The following CASK variants were observed in gnomAD, a reference collection of about 807,000 sequenced individuals.
CASK encodes peripheral plasma membrane protein CASK.
A neutral mutation model predicts 82.9 loss-of-function variants in CASK; 4 were observed. The ratio of observed to expected loss-of-function variants is 0.05; its 90% CI spans 0.02 to 0.11. The LOEUF (loss-of-function observed/expected upper bound fraction) is 0.11, where lower values mean the gene tolerates loss of function less well. Among genes scored for constraint, CASK ranks in the 10% least tolerant of loss-of-function variants. The pLI, the probability that CASK is intolerant of heterozygous loss-of-function variation, is 1.00. For missense variants in CASK, 358 were observed against 720.9 expected (o/e 0.50, Z 5.76); for synonymous variants, 259 against 253.5 (o/e 1.02, Z -0.20).
intron 3 of CASK, among the ~76,000 whole-genome samples, chrX:41,759,620 G>GC (rs1247758275): frequency 2.2e-4 from 24 of 111,282 alleles, no homozygotes; most frequent in African/African-American, 6.9e-4. Flanking sequence ...AATGAGAAAT[G>GC]CCCCCCCTAC....
At chrX:41,850,451 CAA>C (rs2071241376) in intron 2 of CASK, among the ~76,000 whole-genome samples, 1 of 110,057 alleles carries the variant, frequency 9.1e-6, no homozygotes, top group African/African-American at 3.3e-5. Context: ...AGGTAATTAA[CAA>C]AGAGCAAACA....
chrX:41,756,728 A>G (rs1195247909), intron 3 of CASK, among the ~76,000 whole-genome samples: 1 of 112,513 alleles, frequency 8.9e-6, no homozygotes, highest in Non-Finnish European at 1.9e-5. Flanking sequence ...CATAGGTATT[A>G]TGACTACCTC....
chrX:41,531,184 G>A lies in CASK; in HGVS notation c.2343C>T (p.Asp781=), dbSNP rs55642200. The change falls in exon 25 of 27, where the codon GAC becomes GAT. Residue 781 remains aspartate, a synonymous_variant. Transcript: ENST00000378163. ...AGTAATAATTCTTTCCATTTTCTTC[G>A]TCTTTCTTTGGAGGTCTGGTTGTAT... is the stretch of plus-strand genomic sequence containing the variant. The part of the protein sequence containing the change: ...IPHTTRPPKK[D]EENGKNYYFV... 2.0e-5 allele frequency: 24 copies of A among 1,208,383 alleles called. No individual in the cohort carries two copies. The East Asian group carries it at 4.1e-4, about 21-fold the overall frequency.
intron 5 of CASK, among the ~76,000 whole-genome samples, chrX:41,736,476 G>A (rs1469512586): frequency 9.0e-6 from 1 of 111,672 alleles, no homozygotes; most frequent in African/African-American, 3.3e-5. Context: ...CTCCAGCCTG[G>A]GTGACAGGGC....
At chrX:41,555,551 C>A in intron 20 of CASK, 49 bp downstream of exon 20, 4 of 969,094 alleles carry the variant, frequency 4.1e-6, no homozygotes, top group Non-Finnish European at 5.9e-6. Context: ...AAAGGATTGG[C>A]TATTAGCTGC....
chrX:41,834,216 G>A (rs1470988417), intron 2 of CASK, among the ~76,000 whole-genome samples: 3 of 111,551 alleles, frequency 2.7e-5, no homozygotes, highest in African/African-American at 6.5e-5. Context: ...TTGGCGCCCT[G>A]GAGATTTTGA....
intron 1 of CASK, among the ~76,000 whole-genome samples, chrX:41,889,397 T>G (rs1264178783): frequency 4.5e-5 from 5 of 110,745 alleles, no homozygotes; most frequent in Non-Finnish European, 9.4e-5. Flanking sequence ...TCCCTGATCA[T>G]TAGTGATGTT....
At position 41,827,175 on chromosome X, in the gene CASK, C is replaced by T. The variant is rs184919662; in HGVS notation, c.172+25940G>A. 3.6e-5 allele frequency among the ~76,000 whole-genome samples: 4 copies of T among 111,756 alleles called. No individual in the cohort carries two copies. In the East Asian group the frequency reaches 1.1e-3, roughly 31 times the overall value. ...AAGTAAACATGAAAATGCCCTCAAA[C>T]TAAATCTAAGTCACAGAAACATACA... On this transcript the variant is annotated intron_variant, in intron 2 of 26. Coordinates refer to ENST00000378163, the MANE Select transcript of CASK (RefSeq NM_001367721.1).
chrX:41,685,919 T>A (rs1361687097), intron 5 of CASK, among the ~76,000 whole-genome samples: 2 of 111,232 alleles, frequency 1.8e-5, no homozygotes, highest in African/African-American at 6.6e-5. Context: ...GGAGAGGGGT[T>A]CCTGGCAGTC....
intron 25 of CASK, among the ~76,000 whole-genome samples, chrX:41,526,652 A>G (rs1282908572): frequency 8.9e-6 from 1 of 111,987 alleles, no homozygotes; most frequent in African/African-American, 3.2e-5. Flanking sequence ...TCTTATGTCT[A>G]CGAATCAGGT....
chrX:41,756,674 T>C (rs1227093267), intron 3 of CASK, among the ~76,000 whole-genome samples: 1 of 112,474 alleles, frequency 8.9e-6, no homozygotes, highest in Non-Finnish European at 1.9e-5. Context: ...TCTAAGTCCC[T>C]TATATGCATT....
intron 3 of CASK, among the ~76,000 whole-genome samples, chrX:41,770,446 G>C (rs1013794459): frequency 9.1e-6 from 1 of 110,384 alleles, no homozygotes; most frequent in Non-Finnish European, 1.9e-5. Flanking sequence ...TTTTGCTCTT[G>C]TTGCCCAGGC....
intron 9 of CASK, among the ~76,000 whole-genome samples, chrX:41,631,557 C>T (rs1006103766): frequency 1.2e-4 from 13 of 111,854 alleles, no homozygotes; most frequent in Admixed American, 3.8e-4. Flanking sequence ...CAACCTCCGC[C>T]TCCCAGGTTC....
At chrX:41,865,277 G>A (rs1251672617) in intron 1 of CASK, among the ~76,000 whole-genome samples, 1 of 111,818 alleles carries the variant, frequency 8.9e-6, no homozygotes, top group Non-Finnish European at 1.9e-5. Context: ...TGAGTGAACT[G>A]AGCTTTCTAA....
chrX:41,809,404 GATC>G (rs2070221349), intron 2 of CASK, among the ~76,000 whole-genome samples: 1 of 112,123 alleles, frequency 8.9e-6, no homozygotes, highest in Non-Finnish European at 1.9e-5. Context: ...CCAGAGGAAC[GATC>G]AGGCAGCAAC....
Position 41,773,815 on chromosome X carries a change from G to A in CASK, c.278+13363C>T, listed in dbSNP as rs150528875. On this transcript the variant is annotated intron_variant, in intron 3 of 26. Transcript: ENST00000378163. ...AGATAAAAAATGGTACACTGGTATA[G>A]GGCACTTACCATGAATGGAACTTGC... 2.6e-3 allele frequency among the ~76,000 whole-genome samples: 292 copies of A among 111,323 alleles called. 3 individuals are homozygous for A. The highest frequency in any genetic ancestry group is 8.4e-3 in the African/African-American group (257 of 30,679).
rs200962618 is a variant in CASK, at chrX:41,671,549, G to GAACA, written c.430-23_430-20dup. 9.4e-7 allele frequency: 1 copy of GAACA among 1,061,275 alleles called. No homozygotes were observed. Among genetic ancestry groups the GAACA allele is most frequent in the African/African-American group, 1.8e-5 (1 of 54,132 alleles). 87.5% of individuals were successfully genotyped at this position (1,061,275 alleles called of 1,213,427 possible). A position where few individuals can be genotyped will look rare whatever the true frequency, so the allele number is the denominator to read the frequency against. The stretch of plus-strand genomic sequence containing the variant: ...AGTGGGGCTGAAAAGAAAAACAGAC[G>GAACA]AACAAACAAACAAAAAACAAACCCG... On this transcript the variant is annotated intron_variant, in intron 5 of 26. Coordinates refer to ENST00000378163, the MANE Select transcript of CASK (RefSeq NM_001367721.1).
At chrX:41,589,375 A>G (rs1195110604) in intron 13 of CASK, 140 bp downstream of exon 13, 4 of 482,516 alleles carry the variant, frequency 8.3e-6, no homozygotes, top group Non-Finnish European at 1.5e-5. Context: ...TTCAGTAATA[A>G]ACTTAGAAAT....
chrX:41,834,572 C>T (rs2070893784), intron 2 of CASK, among the ~76,000 whole-genome samples: 1 of 110,998 alleles, frequency 9.0e-6, no homozygotes. Context: ...CCACCAAGTT[C>T]TTTCTAGTCT....
Sources: gnomAD v4.1 joint callset for allele counts (sites outside exome capture counted in the v4.1 genomes callset) on GRCh38, gnomAD v4.1.1 for gene constraint, MANE v1.5 for transcripts, NCBI Gene and HGNC (gene_info 2026-07-23, HGNC 2026-07-21) for gene names.